Variants in SAMD5 observed in about 807,000 individuals in gnomAD.
SAMD5 encodes sterile alpha motif domain containing 5.
SAMD5 carries 13 observed loss-of-function variants against 11.3 expected under a neutral mutation model. The ratio of observed to expected loss-of-function variants is 1.15; its 90% CI spans 0.75 to 1.83. The LOEUF is 1.83. Ranked by LOEUF, SAMD5 falls within the 40% of genes most tolerant of loss-of-function variation. The pLI is 0.00. For synonymous variants in SAMD5, 129 were observed against 111.3 expected (o/e 1.16, Z -1.00); for missense variants, 255 against 239.1 (o/e 1.07, Z -0.44).
chr6:147,747,110 G>A, the SAMD5 span, among the ~76,000 whole-genome samples: 1 of 152,212 alleles, frequency 6.6e-6, no homozygotes, highest in African/African-American at 2.4e-5. Context: ...TTGGAAATTA[G>A]GAAGTAGTTG....
At chr6:147,859,842 G>A in the SAMD5 span, among the ~76,000 whole-genome samples, 1 of 152,086 alleles carries the variant, frequency 6.6e-6, no homozygotes, top group South Asian at 2.1e-4. Context: ...GGAATTTAGG[G>A]CAATTACCTG....
chr6:147,734,902 T>C (rs1791773637), intron 1 of SAMD5, among the ~76,000 whole-genome samples: 1 of 152,080 alleles, frequency 6.6e-6, no homozygotes, highest in Non-Finnish European at 1.5e-5. Context: ...TTATGACTTC[T>C]GCAAGGTATT....
intron 1 of SAMD5, among the ~76,000 whole-genome samples, chr6:147,616,131 TTATATATTTCATATATATTTATTCA>T (rs1199731383): frequency 6.9e-4 from 88 of 128,300 alleles, no homozygotes; most frequent in African/African-American, 1.6e-3. Flanking sequence ...GATTATTTCA[TTATATATTTCATATATATTTATTCA>T]TATATATTTC....
intron 1 of SAMD5, among the ~76,000 whole-genome samples, chr6:147,624,027 G>T (rs866009702): frequency 6.6e-6 from 1 of 151,904 alleles, no homozygotes; most frequent in South Asian, 2.1e-4. Context: ...GTGCCACCAC[G>T]CCCAGCTAAT....
intron 1 of SAMD5, among the ~76,000 whole-genome samples, chr6:147,528,870 A>G (rs1788385361): frequency 6.6e-6 from 1 of 152,216 alleles, no homozygotes; most frequent in African/African-American, 2.4e-5. Flanking sequence ...CATTTATTAG[A>G]GAATAACCCC....
the SAMD5 span, among the ~76,000 whole-genome samples, chr6:147,748,646 G>GA: frequency 6.6e-6 from 1 of 151,918 alleles, no homozygotes; most frequent in African/African-American, 2.4e-5. Flanking sequence ...CACTTGGAGA[G>GA]AAAAAAGGGA....
intron 1 of SAMD5, among the ~76,000 whole-genome samples, chr6:147,694,994 C>T (rs1373299676): frequency 6.6e-6 from 1 of 152,014 alleles, no homozygotes; most frequent in Non-Finnish European, 1.5e-5. Context: ...AAATAACAGC[C>T]CATAATATGA....
chr6:147,595,577 AGTGCAGTG>A (rs1484971314), intron 1 of SAMD5, among the ~76,000 whole-genome samples: 1 of 127,272 alleles, frequency 7.9e-6, no homozygotes. Flanking sequence ...CCCAGGCTGG[AGTGCAGTG>A]GTGCCATCTT....
At chr6:147,857,341 C>CA in the SAMD5 span, among the ~76,000 whole-genome samples, 329 of 135,290 alleles carry the variant, frequency 2.4e-3, 2 homozygotes, top group South Asian at 0.013. Context: ...CTGTCTGTAC[C>CA]AAAAAAAAAA....
chr6:147,585,857 C>T (rs1475385126), intron 1 of SAMD5, among the ~76,000 whole-genome samples: 2 of 152,174 alleles, frequency 1.3e-5, no homozygotes, highest in Non-Finnish European at 2.9e-5. Flanking sequence ...ACCGTGAAGG[C>T]TAAAAACAGC....
At chr6:147,577,453 G>A (rs1220360616) in intron 1 of SAMD5, among the ~76,000 whole-genome samples, 1 of 152,094 alleles carries the variant, frequency 6.6e-6, no homozygotes, top group African/African-American at 2.4e-5. Flanking sequence ...TTTTGAGCCT[G>A]TCTGTCCTCC....
chr6:147,781,222 C>A, the SAMD5 span, among the ~76,000 whole-genome samples: 23,104 of 148,178 alleles, frequency 0.16, 2,088 homozygotes, highest in African/African-American at 0.24. Flanking sequence ...ATGGCTTGAT[C>A]ACAGCTCACT....
In SAMD5 at chr6:147,556,702, A is replaced by G. The variant is rs181761001; in HGVS notation, c.460-7692A>G. Among the ~76,000 whole-genome samples, 20 of 152,358 alleles carry G rather than the reference A, an allele frequency of 1.3e-4. No homozygotes were observed. In the East Asian group the frequency reaches 3.5e-3, roughly 26 times the overall value. On this transcript the variant is annotated intron_variant, in intron 1 of 1. Transcript: ENST00000367474. ...CAATTACTTAAATAATTTTATCTTTAAAATGAAAACTTTGTAGAGCTCAAA... is the reference window on the plus strand; with the variant it reads ...CAATTACTTAAATAATTTTATCTTTGAAATGAAAACTTTGTAGAGCTCAAA...
At chr6:147,837,484 T>A in the SAMD5 span, among the ~76,000 whole-genome samples, 1 of 152,204 alleles carries the variant, frequency 6.6e-6, no homozygotes, top group Admixed American at 6.5e-5. Context: ...AGAGGAGAAA[T>A]CTAAAGGCTT....
intron 1 of SAMD5, among the ~76,000 whole-genome samples, chr6:147,624,007 T>C (rs1790011295): frequency 6.6e-6 from 1 of 152,082 alleles, no homozygotes; most frequent in African/African-American, 2.4e-5. Context: ...GTAGCTGGGA[T>C]TACAGGCGTG....
At chr6:147,658,191 T>A (rs1479152251) in intron 1 of SAMD5, among the ~76,000 whole-genome samples, 1 of 152,162 alleles carries the variant, frequency 6.6e-6, no homozygotes, top group African/African-American at 2.4e-5. Flanking sequence ...GCCTCTCCAG[T>A]GTCCCAGCCC....
the SAMD5 span, among the ~76,000 whole-genome samples, chr6:147,892,899 TA>T: frequency 6.6e-6 from 1 of 152,190 alleles, no homozygotes; most frequent in Admixed American, 6.5e-5. Context: ...TTTTGAATAA[TA>T]AAAACTAACA....
chr6:147,937,097 A>G, the SAMD5 span, among the ~76,000 whole-genome samples: 2 of 152,160 alleles, frequency 1.3e-5, no homozygotes, highest in Non-Finnish European at 2.9e-5. Context: ...ATCAACAGTT[A>G]ATCCTCAACA....
chr6:147,790,780 C>T, the SAMD5 span, among the ~76,000 whole-genome samples: 15 of 72,632 alleles, frequency 2.1e-4, no homozygotes, highest in Admixed American at 2.7e-4. Flanking sequence ...TTCTCTCTCT[C>T]TCTCTCTCTC....
Sources: allele counts gnomAD v4.1 joint callset (sites outside exome capture counted in the v4.1 genomes callset), GRCh38; gene constraint gnomAD v4.1.1; transcripts MANE v1.5; gene names NCBI Gene and HGNC (gene_info 2026-07-23, HGNC 2026-07-21).